Variants in POU6F2 observed in about 807,000 individuals in gnomAD.
The protein encoded by POU6F2 is POU class 6 homeobox 2.
A neutral mutation model predicts 71.3 loss-of-function variants in POU6F2; 31 were observed. The ratio of observed to expected loss-of-function variants is 0.43; its 90% confidence interval spans 0.33 to 0.59. The LOEUF (loss-of-function observed/expected upper bound fraction) is 0.59. Ranked by LOEUF, POU6F2 falls within the 20% of genes least tolerant of loss-of-function variation. The probability of loss-of-function intolerance (pLI) is 0.04; values close to 1 mark genes in which losing one functional copy is unlikely to be tolerated. For synonymous variants in POU6F2, 347 were observed against 355.7 expected (o/e 0.98, Z 0.27); for missense variants, 783 against 856.8 (o/e 0.91, Z 1.07).
At chr7:39,002,964 A>G (rs1383171954) in intron 1 of POU6F2, among the ~76,000 whole-genome samples, 1 of 152,236 alleles carries the variant, frequency 6.6e-6, no homozygotes, top group East Asian at 1.9e-4. Flanking sequence ...TAGTTATACT[A>G]AGACTCATTC....
chr7:39,073,262 G>A (rs1408520985), intron 1 of POU6F2, among the ~76,000 whole-genome samples: 1 of 150,984 alleles, frequency 6.6e-6, no homozygotes, highest in Non-Finnish European at 1.5e-5. Flanking sequence ...AAAGGCTAGA[G>A]ATTTAAAGAA....
intron 4 of POU6F2, among the ~76,000 whole-genome samples, chr7:39,301,943 T>C (rs1784955045): frequency 6.6e-6 from 1 of 151,980 alleles, no homozygotes; most frequent in African/African-American, 2.4e-5. Context: ...CTAATGTTTC[T>C]CAGGGGAAAA....
intron 1 of POU6F2, among the ~76,000 whole-genome samples, chr7:39,062,991 C>T (rs1790689229): frequency 6.6e-6 from 1 of 151,946 alleles, no homozygotes; most frequent in Non-Finnish European, 1.5e-5. Flanking sequence ...CTTCAGTGAG[C>T]TTCTGGAATG....
chr7:39,430,472 A>G (rs1788073440), intron 6 of POU6F2, among the ~76,000 whole-genome samples: 1 of 152,232 alleles, frequency 6.6e-6, no homozygotes, highest in Non-Finnish European at 1.5e-5. Context: ...GTGGGGAGGA[A>G]CATAGGCAGC....
At chr7:39,260,666 C>G (rs1435731520) in intron 4 of POU6F2, among the ~76,000 whole-genome samples, 2 of 151,234 alleles carry the variant, frequency 1.3e-5, no homozygotes, top group Admixed American at 1.3e-4. Context: ...CATACCACAC[C>G]ATACACACCA....
chr7:39,425,465 T>TA (rs1362168328), intron 6 of POU6F2, among the ~76,000 whole-genome samples: 1 of 152,204 alleles, frequency 6.6e-6, no homozygotes, highest in Non-Finnish European at 1.5e-5. Context: ...ATATCATAAC[T>TA]ATTGTCCCTG....
intron 2 of POU6F2, among the ~76,000 whole-genome samples, chr7:39,167,856 A>G (rs1354908590): frequency 1.3e-5 from 2 of 151,890 alleles, no homozygotes; most frequent in African/African-American, 2.4e-5. Flanking sequence ...GATAAGTTAC[A>G]TATTTTATAC....
intron 4 of POU6F2, among the ~76,000 whole-genome samples, chr7:39,327,603 A>G (rs1189308226): frequency 6.6e-6 from 1 of 152,068 alleles, no homozygotes; most frequent in Non-Finnish European, 1.5e-5. Flanking sequence ...TCTAAAAAAG[A>G]AAAAGAATTT....
At chr7:39,200,377 A>T (rs1793873751) in intron 2 of POU6F2, among the ~76,000 whole-genome samples, 1 of 152,220 alleles carries the variant, frequency 6.6e-6, no homozygotes, top group Non-Finnish European at 1.5e-5. Context: ...CCTGGGTGAA[A>T]ACCACTTCTA....
At chr7:38,989,904 A>C (rs1788562032) in intron 1 of POU6F2, among the ~76,000 whole-genome samples, 1 of 151,904 alleles carries the variant, frequency 6.6e-6, no homozygotes, top group African/African-American at 2.4e-5. Flanking sequence ...TATCTTTAAA[A>C]TGCTGATGGA....
At chr7:39,019,892 G>T (rs899707362) in intron 1 of POU6F2, among the ~76,000 whole-genome samples, 1 of 152,072 alleles carries the variant, frequency 6.6e-6, no homozygotes, top group African/African-American at 2.4e-5. Flanking sequence ...CAGCATCAGA[G>T]AATCAATGTA....
chr7:39,277,543 G>C (rs1669965967), intron 4 of POU6F2, among the ~76,000 whole-genome samples: 2 of 152,272 alleles, frequency 1.3e-5, no homozygotes, highest in South Asian at 2.1e-4. Context: ...GTATTATTGA[G>C]TCTCCAAGCA....
intron 2 of POU6F2, among the ~76,000 whole-genome samples, chr7:39,088,025 C>T (rs891459118): frequency 6.6e-6 from 1 of 152,128 alleles, no homozygotes; most frequent in African/African-American, 2.4e-5. Context: ...AGAAGGAATC[C>T]ACTTTTCATT....
intron 5 of POU6F2, among the ~76,000 whole-genome samples, chr7:39,380,180 A>G (rs1786797763): frequency 6.6e-6 from 1 of 152,192 alleles, no homozygotes; most frequent in South Asian, 2.1e-4. Flanking sequence ...GGCCTAAAAA[A>G]TTCTCTTTTA....
chr7:39,121,526 CGTT>C (rs1562713655), intron 2 of POU6F2, among the ~76,000 whole-genome samples: 1 of 152,134 alleles, frequency 6.6e-6, no homozygotes, highest in Non-Finnish European at 1.5e-5. Context: ...ACGTATTTCT[CGTT>C]ATTATTTCTC....
chr7:39,145,226 G>T (rs1792594380), intron 2 of POU6F2, among the ~76,000 whole-genome samples: 1 of 152,098 alleles, frequency 6.6e-6, no homozygotes, highest in South Asian at 2.1e-4. Context: ...CATAAGTTAA[G>T]AATTAATAAG....
At chr7:39,087,919 C>A (rs939916552) in intron 2 of POU6F2, among the ~76,000 whole-genome samples, 2 of 152,034 alleles carry the variant, frequency 1.3e-5, no homozygotes, top group African/African-American at 2.4e-5. Context: ...GAGAAAAAAG[C>A]TTCAAAATTC....
At chr7:39,023,912 A>G (rs543294922) in intron 1 of POU6F2, among the ~76,000 whole-genome samples, 1 of 152,220 alleles carries the variant, frequency 6.6e-6, no homozygotes, top group African/African-American at 2.4e-5. Context: ...TCAGTGTGAT[A>G]GTTTACTAAC....
chr7:39,242,347 C>G (rs1030178319), intron 4 of POU6F2, among the ~76,000 whole-genome samples: 1 of 151,084 alleles, frequency 6.6e-6, no homozygotes, highest in African/African-American at 2.4e-5. Context: ...CCTCCACATC[C>G]TGTCAGCACT....
Sources: allele counts gnomAD v4.1 joint callset (sites outside exome capture counted in the v4.1 genomes callset), GRCh38; gene constraint gnomAD v4.1.1; transcripts MANE v1.5; gene names NCBI Gene and HGNC (gene_info 2026-07-23, HGNC 2026-07-21).